The following ACACA variants were observed in gnomAD, a reference collection of about 807,000 sequenced individuals.
ACACA encodes acetyl-CoA carboxylase 1.
ACACA carries 103 observed loss-of-function variants against 296.1 expected under a neutral mutation model. The ratio of observed to expected loss-of-function variants is 0.35; its 90% CI spans 0.30 to 0.41. ACACA has a LOEUF of 0.41. ACACA is among the 10% of genes least tolerant of loss of function. ACACA has a pLI of 1.00. For missense variants in ACACA, 1,554 were observed against 2,989.7 expected, an observed-to-expected ratio of 0.52 and a Z score of 11.20; for synonymous variants, 953 against 1,038.6, an observed-to-expected ratio of 0.92 and a Z score of 1.58.
At chr17:37,375,720 T>C (rs1400124476) in intron 1 of ACACA, among the ~76,000 whole-genome samples, 3 of 152,202 alleles carry the variant, frequency 2.0e-5, no homozygotes, top group Non-Finnish European at 4.4e-5. Context: ...TATAAATCTC[T>C]GTGCCTGTGT....
At chr17:37,391,841 A>T (rs542612142) in intron 1 of ACACA, 1 of 936,364 alleles carries the variant, frequency 1.1e-6, no homozygotes, top group African/African-American at 1.6e-5. Context: ...ACAATCAAAC[A>T]CCAATTCCTG....
intron 10 of ACACA, among the ~76,000 whole-genome samples, chr17:37,265,333 A>G (rs1360197043): frequency 6.6e-6 from 1 of 152,158 alleles, no homozygotes; most frequent in East Asian, 1.9e-4. Context: ...CCCTATGGCC[A>G]CAATAATTCA....
chr17:37,211,049 T>C (rs1445487), intron 29 of ACACA, among the ~76,000 whole-genome samples: 46,332 of 151,942 alleles, frequency 0.3, 8,384 homozygotes, highest in African/African-American at 0.48. Flanking sequence ...CAGCTACCTG[T>C]TCTAAGTCTT....
Position 37,087,385 on chromosome 17 carries a change from C to T in ACACA, c.7083G>A (p.Gln2361=). The T allele has an allele frequency of 6.2e-7, 1 of 1,613,986 alleles. No homozygotes were observed. The highest frequency in any genetic ancestry group is 8.5e-7 in the Non-Finnish European group (1 of 1,179,970). The part of the protein sequence containing the change: ...VAMDSIIHMT[Q]HISPTQRAEV... ...CTGCTCGCTGAGTGGGTGATATGTG[C>T]TGCGTCATATGGATGATGGAATCCA... is the stretch of plus-strand genomic sequence containing the variant. The change falls in exon 56 of 56, where the codon CAG becomes CAA. Residue 2361 remains glutamine (Q), a synonymous_variant. Coordinates refer to ENST00000616317, the MANE Select transcript of ACACA (RefSeq NM_198834.3).
Position 37,200,192 on chromosome 17 carries a change from TAA to T in ACACA, c.4114-11_4114-10del. 1 of 1,604,864 alleles carries T rather than the reference TAA, an allele frequency of 6.2e-7. No individual in the cohort carries two copies. Among genetic ancestry groups the T allele is most frequent in the Non-Finnish European group, 8.5e-7 (1 of 1,171,856 alleles). On this transcript the variant is annotated splice_polypyrimidine_tract_variant and intron_variant, in intron 34 of 55. Transcript: ENST00000616317. ...ACCTGCTTTCTGAAATCCTTTCAAA[TAA>T]AAGAGAGAAAGGAAGGAAAGACAGC...
chr17:37,311,088 T>C (rs2084115531), intron 3 of ACACA, among the ~76,000 whole-genome samples: 1 of 152,078 alleles, frequency 6.6e-6, no homozygotes, highest in Non-Finnish European at 1.5e-5. Context: ...AGCAATACAG[T>C]AGTCATTAGT....
chr17:37,334,532 G>A lies in ACACA; in HGVS notation c.86-4107C>T, dbSNP rs149939232. On this transcript the variant is annotated intron_variant, in intron 2 of 55. Transcript: ENST00000616317. ...GGAGTCTTGGATACATCACACTCAA[G>A]TCAAACCCTGGATACTGCCAAAGGA... is the stretch of plus-strand genomic sequence containing the variant. Among the ~76,000 whole-genome samples, 6 of 152,116 alleles carry A rather than the reference G, an allele frequency of 3.9e-5. No individual in the cohort carries two copies. In the East Asian group the frequency reaches 1.2e-3, roughly 29 times the overall value.
intron 35 of ACACA, among the ~76,000 whole-genome samples, chr17:37,198,609 G>C (rs888544066): frequency 1.3e-5 from 2 of 152,062 alleles, no homozygotes; most frequent in Admixed American, 6.5e-5. Flanking sequence ...CTTCTCCACT[G>C]ACTCCGTTTC....
At chr17:37,401,672 C>T (rs2051296995) in intron 1 of ACACA, among the ~76,000 whole-genome samples, 1 of 151,914 alleles carries the variant, frequency 6.6e-6, no homozygotes, top group African/African-American at 2.4e-5. Flanking sequence ...GATTCTCCTA[C>T]CTCAGCCTCC....
intron 29 of ACACA, among the ~76,000 whole-genome samples, chr17:37,215,006 C>T (rs1420821256): frequency 6.6e-6 from 1 of 152,158 alleles, no homozygotes; most frequent in Non-Finnish European, 1.5e-5. Context: ...GATTTCTAAC[C>T]TTCCTTATGA....
At chr17:37,154,550 G>A (rs972816796) in intron 43 of ACACA, among the ~76,000 whole-genome samples, 9 of 151,942 alleles carry the variant, frequency 5.9e-5, no homozygotes, top group Middle Eastern at 3.2e-3. Flanking sequence ...AGGCTGGAGT[G>A]CAGTGGTGTC....
intron 35 of ACACA, among the ~76,000 whole-genome samples, chr17:37,197,270 A>G (rs551586878): frequency 6.6e-6 from 1 of 152,306 alleles, no homozygotes; most frequent in East Asian, 1.9e-4. Flanking sequence ...TCTGGCCCTC[A>G]TTTGTCTTAT....
intron 1 of ACACA, 148 bp from the exon 2 acceptor site, chr17:37,339,998 G>T: frequency 1.9e-6 from 1 of 517,658 alleles, no homozygotes. Context: ...AAAGCACAAA[G>T]TTTAGCAGTT....
chr17:37,287,993 G>T (rs916018233), intron 3 of ACACA, among the ~76,000 whole-genome samples: 2 of 152,086 alleles, frequency 1.3e-5, no homozygotes, highest in South Asian at 2.1e-4. Flanking sequence ...AAGTTAAGAG[G>T]CACCTTATAG....
intron 11 of ACACA, among the ~76,000 whole-genome samples, chr17:37,262,493 T>TTTTCAATTATTTTCAATTA (rs1349365140): frequency 2.0e-5 from 3 of 152,188 alleles, no homozygotes; most frequent in African/African-American, 4.8e-5. Context: ...ATAGTAATTA[T>TTTTCAATTATTTTCAATTA]TTTCAATTTT....
intron 52 of ACACA, among the ~76,000 whole-genome samples, chr17:37,105,514 G>A (rs1368846511): frequency 6.6e-6 from 1 of 151,824 alleles, no homozygotes; most frequent in African/African-American, 2.4e-5. Context: ...ATACTAAGAA[G>A]CCTATGTAAA....
intron 45 of ACACA, among the ~76,000 whole-genome samples, chr17:37,137,888 G>A (rs1240266534): frequency 6.6e-6 from 1 of 152,216 alleles, no homozygotes; most frequent in African/African-American, 2.4e-5. Flanking sequence ...GGTAGAAAAT[G>A]AAGTTACTCA....
At chr17:37,254,438 T>A (rs2146143048) in intron 14 of ACACA, among the ~76,000 whole-genome samples, 1 of 152,278 alleles carries the variant, frequency 6.6e-6, no homozygotes, top group African/African-American at 2.4e-5. Flanking sequence ...CAATTATCAA[T>A]CTAGATGTCA....
chr17:37,338,191 G>A (rs1158566874), intron 2 of ACACA, among the ~76,000 whole-genome samples: 1 of 145,040 alleles, frequency 6.9e-6, no homozygotes, highest in African/African-American at 2.6e-5. Context: ...GATCACCACT[G>A]CACTCCAGCC....
Sources: gnomAD v4.1 joint callset for allele counts (sites outside exome capture counted in the v4.1 genomes callset) on GRCh38, gnomAD v4.1.1 for gene constraint, MANE v1.5 for transcripts, NCBI Gene and HGNC (gene_info 2026-07-23, HGNC 2026-07-21) for gene names.